Variants in PAFAH1B1 observed in about 807,000 individuals in gnomAD.
PAFAH1B1 encodes the protein platelet-activating factor acetylhydrolase IB subunit beta.
A neutral mutation model predicts 57.5 loss-of-function variants in PAFAH1B1; 2 were observed. The ratio of observed to expected loss-of-function variants is 0.03; its 90% CI spans 0.01 to 0.11. The LOEUF (loss-of-function observed/expected upper bound fraction) is 0.11. PAFAH1B1 is among the 10% of genes least tolerant of loss of function. The pLI, the probability that PAFAH1B1 is intolerant of heterozygous loss-of-function variation, is 1.00. For synonymous variants in PAFAH1B1, 152 were observed against 169.6 expected (o/e 0.90, Z 0.81); for missense variants, 257 against 512.0 (o/e 0.50, Z 4.81).
intron 2 of PAFAH1B1, among the ~76,000 whole-genome samples, chr17:2,648,693 AG>A (rs1222648226): frequency 3.0e-3 from 458 of 151,484 alleles, no homozygotes; most frequent in Admixed American, 7.9e-3. Context: ...AAAAAAAAAA[AG>A]TGAAACACCA....
chr17:2,611,467 C>T (rs1212628545), intron 1 of PAFAH1B1, among the ~76,000 whole-genome samples: 2 of 146,758 alleles, frequency 1.4e-5, no homozygotes, highest in Non-Finnish European at 3.0e-5. Context: ...GACTCCGTCT[C>T]GGGGCAAAAA....
At chr17:2,643,530 A>C (rs1368314475) in intron 2 of PAFAH1B1, among the ~76,000 whole-genome samples, 2 of 149,874 alleles carry the variant, frequency 1.3e-5, no homozygotes, top group African/African-American at 4.9e-5. Flanking sequence ...TGCTGGGATT[A>C]CAAGTGTGAG....
intron 1 of PAFAH1B1, among the ~76,000 whole-genome samples, chr17:2,622,004 T>C (rs2151623604): frequency 6.6e-6 from 1 of 152,250 alleles, no homozygotes; most frequent in Middle Eastern, 3.4e-3. Context: ...AGAAACAAGA[T>C]AATCCCATCC....
intron 1 of PAFAH1B1, among the ~76,000 whole-genome samples, chr17:2,600,568 C>CA (rs559407199): frequency 0.46 from 35,389 of 77,096 alleles, 6,416 homozygotes; most frequent in African/African-American, 0.54. Flanking sequence ...GAAACTATCT[C>CA]AAAAAAAAAA....
intron 6 of PAFAH1B1, 93 bp downstream of exon 6, chr17:2,670,424 C>T (rs1283738673): frequency 2.0e-5 from 24 of 1,182,538 alleles, no homozygotes; most frequent in African/African-American, 3.0e-5. Context: ...TTCCTTTATT[C>T]ACCTCTTAAT....
At chr17:2,675,509 T>C (rs2069248381) in intron 8 of PAFAH1B1, among the ~76,000 whole-genome samples, 1 of 152,170 alleles carries the variant, frequency 6.6e-6, no homozygotes, top group Non-Finnish European at 1.5e-5. Context: ...ATGCTGTATG[T>C]CATAAATTTG....
chr17:2,665,143 AAAG>A (rs1304348636), intron 2 of PAFAH1B1, among the ~76,000 whole-genome samples: 1 of 152,180 alleles, frequency 6.6e-6, no homozygotes, highest in Non-Finnish European at 1.5e-5. Flanking sequence ...TAAAAAAAAG[AAAG>A]AAAAACTTAT....
At chr17:2,677,089 C>G (rs1029682812) in intron 9 of PAFAH1B1, among the ~76,000 whole-genome samples, 1 of 151,972 alleles carries the variant, frequency 6.6e-6, no homozygotes, top group Non-Finnish European at 1.5e-5. Context: ...GGAGGTGGAG[C>G]TTGCAGTGAG....
chr17:2,665,774 G>A (rs1156657548), intron 3 of PAFAH1B1, among the ~76,000 whole-genome samples: 1 of 151,910 alleles, frequency 6.6e-6, no homozygotes, highest in Non-Finnish European at 1.5e-5. Flanking sequence ...GCTAATTTTT[G>A]TATTTTTAGT....
chr17:2,626,538 C>T (rs1014724948), intron 1 of PAFAH1B1, among the ~76,000 whole-genome samples: 5 of 131,834 alleles, frequency 3.8e-5, no homozygotes, highest in Non-Finnish European at 6.3e-5. Flanking sequence ...AAACTTGAAC[C>T]GGCATCACCT....
intron 10 of PAFAH1B1, chr17:2,681,500 C>G (rs999648742): frequency 1.9e-6 from 1 of 514,096 alleles, no homozygotes; most frequent in Non-Finnish European, 3.5e-6. Context: ...GGGTCTTGCT[C>G]TGTCACCCAG....
chr17:2,639,553 C>T (rs778100893), intron 2 of PAFAH1B1: 1 of 151,792 alleles, frequency 6.6e-6, no homozygotes, highest in Admixed American at 6.6e-5. Flanking sequence ...ACCTGACTAG[C>T]TTTAAAAACA....
At chr17:2,631,097 C>T (rs975837219) in intron 1 of PAFAH1B1, among the ~76,000 whole-genome samples, 2 of 152,048 alleles carry the variant, frequency 1.3e-5, no homozygotes, top group African/African-American at 4.8e-5. Context: ...AAAAATTAGC[C>T]AGGCGTGGTG....
At chr17:2,653,948 A>G (rs1177234693) in intron 2 of PAFAH1B1, among the ~76,000 whole-genome samples, 1 of 152,030 alleles carries the variant, frequency 6.6e-6, no homozygotes, top group Non-Finnish European at 1.5e-5. Flanking sequence ...AGCTGGGATT[A>G]CAGGCGCGTG....
chr17:2,600,568 CAA>C (rs559407199), intron 1 of PAFAH1B1, among the ~76,000 whole-genome samples: 3 of 77,640 alleles, frequency 3.9e-5, no homozygotes, highest in Admixed American at 1.6e-4. Flanking sequence ...GAAACTATCT[CAA>C]AAAAAAAAAA....
intron 2 of PAFAH1B1, among the ~76,000 whole-genome samples, chr17:2,662,378 T>G (rs377099092): frequency 3.2e-5 from 4 of 123,696 alleles, no homozygotes; most frequent in East Asian, 2.7e-4. Flanking sequence ...TTTAACCTCT[T>G]TGTGTGTGTG....
intron 1 of PAFAH1B1, among the ~76,000 whole-genome samples, chr17:2,607,014 T>C (rs2068213131): frequency 6.6e-6 from 1 of 151,326 alleles, no homozygotes; most frequent in Non-Finnish European, 1.5e-5. Flanking sequence ...TTAGTAGAGA[T>C]GGGGTTTCAC....
chr17:2,644,472 G>A (rs374184866), intron 2 of PAFAH1B1, among the ~76,000 whole-genome samples: 1 of 151,906 alleles, frequency 6.6e-6, no homozygotes, highest in Non-Finnish European at 1.5e-5. Flanking sequence ...GAACTTGGGA[G>A]GCGGAGGTTG....
chr17:2,596,196 A>G (rs77393439), intron 1 of PAFAH1B1, among the ~76,000 whole-genome samples: 5,105 of 151,524 alleles, frequency 0.034, 149 homozygotes, highest in African/African-American at 0.083. Flanking sequence ...ATATATTAAT[A>G]TATAAAGATA....
Sources: gnomAD v4.1 joint callset for allele counts (sites outside exome capture counted in the v4.1 genomes callset) on GRCh38, gnomAD v4.1.1 for gene constraint, MANE v1.5 for transcripts, NCBI Gene and HGNC (gene_info 2026-07-23, HGNC 2026-07-21) for gene names.